RALGAPA2: variants seen among roughly 807,000 people sequenced by gnomAD.
The protein encoded by RALGAPA2 is Ral GTPase activating protein catalytic subunit alpha 2.
RALGAPA2 carries 139 observed loss-of-function variants against 230.4 expected under a neutral mutation model. The observed-to-expected ratio is 0.60, with a 90% confidence interval of 0.53 to 0.69. RALGAPA2 has a LOEUF of 0.69. Ranked by LOEUF, RALGAPA2 falls within the 30% of genes least tolerant of loss-of-function variation. RALGAPA2 has a pLI of 0.00. For missense variants in RALGAPA2, 2,163 were observed against 2,276.0 expected (o/e 0.95, Z 1.01); for synonymous variants, 847 against 837.8 (o/e 1.01, Z -0.19).
intron 7 of RALGAPA2, among the ~76,000 whole-genome samples, chr20:20,637,798 T>G (rs1410846047): frequency 6.6e-6 from 1 of 151,378 alleles, no homozygotes; most frequent in Non-Finnish European, 1.5e-5. Context: ...TTTCTCTACG[T>G]TTTTTGTAAT....
At chr20:20,537,170 G>A (rs1031129524) in intron 24 of RALGAPA2, among the ~76,000 whole-genome samples, 4 of 152,176 alleles carry the variant, frequency 2.6e-5, no homozygotes, top group Non-Finnish European at 5.9e-5. Context: ...GGGAAGTAGA[G>A]ATGGAGGTAA....
chr20:20,613,022 A>C (rs1304413133), intron 13 of RALGAPA2, among the ~76,000 whole-genome samples: 3 of 152,226 alleles, frequency 2.0e-5, no homozygotes, highest in Non-Finnish European at 4.4e-5. Flanking sequence ...CAAAGCCATG[A>C]CTGACAAAAA....
chr20:20,563,744 C>T (rs1056401506), intron 23 of RALGAPA2, among the ~76,000 whole-genome samples: 8 of 152,192 alleles, frequency 5.3e-5, no homozygotes, highest in African/African-American at 1.4e-4. Flanking sequence ...TAATGGGAAT[C>T]GTGCCAGGAC....
At chr20:20,461,174 T>C (rs2061293415) in intron 37 of RALGAPA2, among the ~76,000 whole-genome samples, 1 of 152,242 alleles carries the variant, frequency 6.6e-6, no homozygotes, top group Non-Finnish European at 1.5e-5. Flanking sequence ...TATGTCATTA[T>C]AAGCAAAGAA....
chr20:20,483,124 G>C (rs1221387087), intron 36 of RALGAPA2, among the ~76,000 whole-genome samples: 1 of 152,144 alleles, frequency 6.6e-6, no homozygotes, highest in Non-Finnish European at 1.5e-5. Flanking sequence ...CAGATCTGTT[G>C]GGTGTTCCTC....
chr20:20,471,797 C>CA (rs1169811355), intron 37 of RALGAPA2: 2 of 152,162 alleles, frequency 1.3e-5, no homozygotes, highest in Non-Finnish European at 2.9e-5. Flanking sequence ...TAAGTTGCCA[C>CA]ATGGCATATG....
At chr20:20,561,764 G>C (rs922841820) in intron 23 of RALGAPA2, among the ~76,000 whole-genome samples, 2 of 152,088 alleles carry the variant, frequency 1.3e-5, no homozygotes, top group Non-Finnish European at 2.9e-5. Context: ...ATATTACCTA[G>C]CTCTTTTCTT....
At chr20:20,530,186 A>T (rs1325011815) in intron 27 of RALGAPA2, among the ~76,000 whole-genome samples, 1 of 152,172 alleles carries the variant, frequency 6.6e-6, no homozygotes, top group Non-Finnish European at 1.5e-5. Context: ...TTCAGTTCCT[A>T]GTCAGTTCAT....
intron 28 of RALGAPA2, 151 bp downstream of exon 28, chr20:20,526,101 G>A: frequency 1.6e-6 from 1 of 630,644 alleles, no homozygotes; most frequent in South Asian, 2.2e-5. Context: ...CAGCTGAGAA[G>A]AACCAGTCTA....
At chr20:20,535,132 G>A (rs1187746706) in intron 26 of RALGAPA2, among the ~76,000 whole-genome samples, 2 of 152,200 alleles carry the variant, frequency 1.3e-5, no homozygotes, top group Admixed American at 1.3e-4. Flanking sequence ...GTTCCTAGGA[G>A]GGAGTAAGAG....
intron 39 of RALGAPA2, among the ~76,000 whole-genome samples, chr20:20,395,169 G>T (rs779028745): frequency 9.2e-5 from 14 of 152,218 alleles, no homozygotes; most frequent in Non-Finnish European, 1.9e-4. Flanking sequence ...GGATCCCATG[G>T]CCAGGGGCAA....
At chr20:20,691,626 C>A (rs2068912071) in intron 1 of RALGAPA2, among the ~76,000 whole-genome samples, 1 of 152,166 alleles carries the variant, frequency 6.6e-6, no homozygotes, top group African/African-American at 2.4e-5. Flanking sequence ...AGGAGTTCCA[C>A]ACCGCTAATC....
At chr20:20,648,615 G>A (rs1401186166) in intron 4 of RALGAPA2, among the ~76,000 whole-genome samples, 1 of 152,014 alleles carries the variant, frequency 6.6e-6, no homozygotes, top group Non-Finnish European at 1.5e-5. Flanking sequence ...GGAGGATGTG[G>A]TCAAGACAGA....
Position 20,390,712 on chromosome 20 carries a change from CTT to C in RALGAPA2, c.*2575_*2576del, listed in dbSNP as rs766650199. Reference sequence around the variant, plus strand: ...AAGTAAAAAAAAAATAAAAAAGAAACTTGATCATTGCAATTTTCCACCCCAGA... The same window carrying C: ...AAGTAAAAAAAAAATAAAAAAGAAACGATCATTGCAATTTTCCACCCCAGA... On this transcript the variant is annotated 3_prime_UTR_variant, in exon 40 of 40. Transcript: ENST00000202677. 1.5e-5 allele frequency: 2 copies of C among 132,142 alleles called. No individual in the cohort carries two copies. The highest frequency in any genetic ancestry group is 3.1e-5 in the Non-Finnish European group (2 of 64,890). 8.2% of individuals were successfully genotyped at this position (132,142 alleles called of 1,614,324 possible).
chr20:20,645,000 C>G (rs2067159712), intron 4 of RALGAPA2, among the ~76,000 whole-genome samples: 1 of 151,296 alleles, frequency 6.6e-6, no homozygotes, highest in South Asian at 2.1e-4. Flanking sequence ...CATCTTGCAA[C>G]ATATTCTTGG....
chr20:20,402,448 C>A (rs6112890), intron 38 of RALGAPA2, among the ~76,000 whole-genome samples: 1 of 152,174 alleles, frequency 6.6e-6, no homozygotes, highest in Non-Finnish European at 1.5e-5. Context: ...CACGCACACG[C>A]GTGCTCATGA....
chr20:20,418,181 A>G (rs1310172351), intron 37 of RALGAPA2, among the ~76,000 whole-genome samples: 2 of 152,240 alleles, frequency 1.3e-5, no homozygotes, highest in African/African-American at 4.8e-5. Flanking sequence ...GCAAATCCAT[A>G]AGAGAAAGTC....
chr20:20,697,451 A>C (rs1364076389), intron 1 of RALGAPA2, among the ~76,000 whole-genome samples: 1 of 152,236 alleles, frequency 6.6e-6, no homozygotes, highest in Non-Finnish European at 1.5e-5. Flanking sequence ...TTATTAGCAC[A>C]AAAGTCAATG....
intron 1 of RALGAPA2, among the ~76,000 whole-genome samples, chr20:20,688,250 G>A (rs549872807): frequency 6.6e-6 from 1 of 151,824 alleles, no homozygotes; most frequent in East Asian, 1.9e-4. Flanking sequence ...AGGTTGCGGT[G>A]AGCCAACACT....
Sources: gnomAD v4.1 joint callset for allele counts (sites outside exome capture counted in the v4.1 genomes callset) on GRCh38, gnomAD v4.1.1 for gene constraint, MANE v1.5 for transcripts, NCBI Gene and HGNC (gene_info 2026-07-23, HGNC 2026-07-21) for gene names.